Variants in POMT1 observed in about 807,000 individuals in gnomAD.
POMT1 encodes the protein protein O-mannosyltransferase 1.
POMT1 carries 85 observed loss-of-function variants against 101.6 expected under a neutral mutation model. The observed-to-expected ratio is 0.84, with a 90% CI of 0.70 to 1.00. The LOEUF (loss-of-function observed/expected upper bound fraction) is 1.00. POMT1 is among the 50% of genes least tolerant of loss of function. The pLI is 0.00. For missense variants in POMT1, 857 were observed against 930.4 expected (o/e 0.92, Z 1.03); for synonymous variants, 371 against 383.0 (o/e 0.97, Z 0.37).
chr9:131,516,403 TCCTCACAGGGAGCACTC>T (rs1948687760), intron 13 of POMT1, among the ~76,000 whole-genome samples: 2 of 151,004 alleles, frequency 1.3e-5, no homozygotes, highest in African/African-American at 4.9e-5. Flanking sequence ...ACGGAGCACT[TCCTCACAGGGAGCACTC>T]CATCACACGG....
intron 10 of POMT1, 63 bp downstream of exon 10, chr9:131,511,530 C>G: frequency 6.3e-7 from 1 of 1,598,688 alleles, no homozygotes; most frequent in Non-Finnish European, 8.6e-7. Context: ...ATTTGCTTAT[C>G]TTAGCAACTT....
At chr9:131,511,677 C>T in intron 10 of POMT1, 1 of 646,078 alleles carries the variant, frequency 1.5e-6, no homozygotes, top group Non-Finnish European at 2.6e-6. Flanking sequence ...TCGGCCCCAG[C>T]TCTGTGGCTG....
At position 131,522,410 on chromosome 9, in the gene POMT1, G is replaced by C. The variant is rs1479356042; in HGVS notation, c.2003+186G>C. ...CCAGATGAGGCACTGCAGGAACCCA[G>C]AGGGAGAAGTCGCGGCTGACAGAGA... On this transcript the variant is annotated intron_variant, in intron 19 of 19. Coordinates refer to ENST00000402686, the MANE Select transcript of POMT1 (RefSeq NM_001077365.2). The surrounding 1 kb of genome is among the most constrained non-coding windows in gnomAD (Gnocchi z 5.5). The C allele has an allele frequency of 1.6e-6, 2 of 1,244,954 alleles. No individual in the cohort carries two copies. The highest frequency in any genetic ancestry group is 2.2e-6 in the Non-Finnish European group (2 of 916,886). 77.1% of individuals were successfully genotyped at this position (1,244,954 alleles called of 1,614,324 possible). A position where few individuals can be genotyped will look rare whatever the true frequency, so the allele number is the denominator to read the frequency against.
In POMT1 at chr9:131,522,835, G is replaced by A. The variant is rs910892182; in HGVS notation, c.2004-97G>A. The A allele has an allele frequency of 3.7e-5, 47 of 1,277,690 alleles. No homozygotes were observed. The highest frequency in any genetic ancestry group is 2.0e-4 in the East Asian group (8 of 39,658). 79.1% of individuals were successfully genotyped at this position (1,277,690 alleles called of 1,614,324 possible). A position where few individuals can be genotyped will look rare whatever the true frequency, so the allele number is the denominator to read the frequency against. On this transcript the variant is annotated intron_variant, in intron 19 of 19. Transcript: ENST00000402686. The surrounding 1 kb of genome is among the most constrained non-coding windows in gnomAD (Gnocchi z 5.5). ...ACCTGAAGGCAGAACCCCAGGCCTCGGGGGGTGACCGTGTGGACAGCAGAT... is the reference window on the plus strand; with the variant it reads ...ACCTGAAGGCAGAACCCCAGGCCTCAGGGGGTGACCGTGTGGACAGCAGAT...
chr9:131,508,992 AC>A lies in POMT1; in HGVS notation c.511del (p.Leu171Ter), dbSNP rs769779072. 1 of 1,613,452 alleles carries A rather than the reference AC, an allele frequency of 6.2e-7. No individual in the cohort carries two copies. Among genetic ancestry groups the A allele is most frequent in the Non-Finnish European group, 8.5e-7 (1 of 1,179,376 alleles). On this transcript the variant is annotated frameshift_variant, in exon 6 of 20. Transcript: ENST00000402686. LOFTEE classifies it high-confidence loss of function. ...TTCAATCTATTGGCCGTGTTGTCCT[AC>A]CTGAAGTTCTTCAACTGCCAAAAGC... ...IFFNLLAVLS[Y>X]LKFFNCQKHS...
chr9:131,505,830 C>T (rs1355031811), intron 2 of POMT1, among the ~76,000 whole-genome samples: 3 of 152,090 alleles, frequency 2.0e-5, no homozygotes, highest in African/African-American at 7.2e-5. Context: ...AGCAGGTTGG[C>T]TCATAGTATC....
At position 131,521,252 on chromosome 9, in the gene POMT1, T is replaced by G; in HGVS notation, c.1699-94T>G. The G allele has an allele frequency of 1.9e-6, 3 of 1,561,636 alleles. No homozygotes were observed. The South Asian group carries it at 3.4e-5, about 17-fold the overall frequency. Reference sequence around the variant, plus strand: ...CTGGCGTTTTTTCACTCTGCTAAAGTAGTGCGTGCATCTGAATTCCTTTCC... The same window carrying G: ...CTGGCGTTTTTTCACTCTGCTAAAGGAGTGCGTGCATCTGAATTCCTTTCC... On this transcript the variant is annotated intron_variant, in intron 17 of 19. Transcript: ENST00000402686.
In POMT1 at chr9:131,506,237, G is replaced by A. The variant is rs746946335; in HGVS notation, c.229+17G>A. ...CCTTGGGAGGTAGGAGTCATCAGGA[G>A]AGTAGCCCCTACCCTTCAGGACCTC... On this transcript the variant is annotated intron_variant, in intron 3 of 19. Transcript: ENST00000402686. 1 of 1,610,254 alleles carries A rather than the reference G, an allele frequency of 6.2e-7. No homozygotes were observed. Among genetic ancestry groups the A allele is most frequent in the African/African-American group, 1.3e-5 (1 of 74,810 alleles).
In POMT1 at chr9:131,522,751, C is replaced by G. The variant is rs1243471975; in HGVS notation, c.2004-181C>G. Among the ~76,000 whole-genome samples the G allele has an allele frequency of 6.6e-6, 1 of 152,114 alleles. No homozygotes were observed. The highest frequency in any genetic ancestry group is 1.5e-5 in the Non-Finnish European group (1 of 68,018). ...GGAGGCCTGAGGAGTCATCAGGGGG[C>G]CCCTCTCAGTGCATCCAGGTGGGAG... On this transcript the variant is annotated intron_variant, in intron 19 of 19. Coordinates refer to ENST00000402686, the MANE Select transcript of POMT1 (RefSeq NM_001077365.2). This position sits in a 1 kb window ranked among gnomAD's most constrained non-coding sequence, Gnocchi z 5.5.
At chr9:131,516,080 C>T (rs62580580) in intron 13 of POMT1, among the ~76,000 whole-genome samples, 733 of 32,950 alleles carry the variant, frequency 0.022, no homozygotes, top group South Asian at 0.053. Flanking sequence ...CTTCCTCACA[C>T]GGAGCACTTC....
At chr9:131,516,175 G>T in intron 13 of POMT1, among the ~76,000 whole-genome samples, 2 of 107,740 alleles carry the variant, frequency 1.9e-5, no homozygotes, top group Admixed American at 1.1e-4. Context: ...CTCACACGGA[G>T]CACTTCCTCT....
chr9:131,504,300 C>T lies in POMT1; in HGVS notation c.82C>T (p.Leu28=), dbSNP rs777990884. The part of the protein sequence containing the change: ...SLVALTGMGL[L]SRLWRLTYPR... ...TGTGGCCCTGACTGGGATGGGGTTA[C>T]TGAGCCGGCTGTGGCGACTCACCTA... Residue 28 remains leucine, a synonymous_variant, in exon 2 of 20, where the codon CTG becomes TTG. Transcript: ENST00000402686. 1 of 1,614,196 alleles carries T rather than the reference C, an allele frequency of 6.2e-7. No individual in the cohort carries two copies. Among genetic ancestry groups the T allele is most frequent in the Non-Finnish European group, 8.5e-7 (1 of 1,180,036 alleles).
At chr9:131,509,660 C>T (rs1946655592) in intron 6 of POMT1, 83 bp from the exon 7 acceptor site, 23 of 1,612,712 alleles carry the variant, frequency 1.4e-5, no homozygotes, top group Non-Finnish European at 1.9e-5. Context: ...AGAAAGATTT[C>T]TCTGAAGAAT....
chr9:131,523,255 A>C lies in POMT1; in HGVS notation c.*149A>C. Reference sequence around the variant, plus strand: ...CTCTAGTGGAACACATGGGGGTCTCATTGAAAAGCTCTCTGATGAGCACCT... The same window carrying C: ...CTCTAGTGGAACACATGGGGGTCTCCTTGAAAAGCTCTCTGATGAGCACCT... On this transcript the variant is annotated 3_prime_UTR_variant, in exon 20 of 20. Transcript: ENST00000402686. 4.6e-5 allele frequency: 43 copies of C among 925,296 alleles called. No homozygotes were observed. The highest frequency in any genetic ancestry group is 6.5e-5 in the Non-Finnish European group (39 of 604,006). The allele number at this position is 925,296 out of a possible 1,614,324, so 57.3% of individuals were successfully genotyped here. A position where few individuals can be genotyped will look rare whatever the true frequency, so the allele number is the denominator to read the frequency against.
rs1275565979 is a variant in POMT1, at chr9:131,519,011, A to G, written c.1486+54A>G. 1.2e-6 allele frequency: 2 copies of G among 1,609,644 alleles called. No individual in the cohort carries two copies. Among genetic ancestry groups the G allele is most frequent in the East Asian group, 2.2e-5 (1 of 44,886 alleles). ...CCTGGAATGTACTTTCAGCTGCTCA[A>G]TATTTGATAACACCCCAGAGTTCTC... On this transcript the variant is annotated intron_variant, in intron 15 of 19. Transcript: ENST00000402686. This position sits in a 1 kb window ranked among gnomAD's most constrained non-coding sequence, Gnocchi z 4.3.
rs1947072981 is a variant in POMT1, at chr9:131,511,322, C to T, written c.856-15C>T. 3 of 1,602,096 alleles carry T rather than the reference C, an allele frequency of 1.9e-6. No homozygotes were observed. Among genetic ancestry groups the T allele is most frequent in the African/African-American group, 2.7e-5 (2 of 74,688 alleles). On this transcript the variant is annotated splice_polypyrimidine_tract_variant and intron_variant, in intron 9 of 19. Transcript: ENST00000402686. ...TTTCTGTCTCTCACTCATCAACCTT[C>T]TGCTTCTGTCTCAGGGAGGACTAGC...
At chr9:131,508,421 C>T (rs1011159145) in intron 5 of POMT1, among the ~76,000 whole-genome samples, 1 of 152,098 alleles carries the variant, frequency 6.6e-6, no homozygotes, top group Non-Finnish European at 1.5e-5. Flanking sequence ...GTCCCAGCTA[C>T]TCAGGAGGCT....
chr9:131,509,919 GTGTT>G lies in POMT1; in HGVS notation c.623_626del (p.Val208AlafsTer55). ...TCTTTGCAGCATCAAGTACATGGGT[GTGTT>G]CACGTACGTGCTCGTGCTGGGTGTT... On this transcript the variant is annotated frameshift_variant, in exon 8 of 20. Transcript: ENST00000402686. LOFTEE classifies it high-confidence loss of function. 6 of 1,614,218 alleles carry G rather than the reference GTGTT, an allele frequency of 3.7e-6. No individual in the cohort carries two copies. The highest frequency in any genetic ancestry group is 5.1e-6 in the Non-Finnish European group (6 of 1,180,044).
chr9:131,521,315 G>A, intron 17 of POMT1, 31 bp from the exon 18 acceptor site: 2 of 1,614,014 alleles, frequency 1.2e-6, no homozygotes, highest in Non-Finnish European at 1.7e-6. Flanking sequence ...CAGAGGGCAG[G>A]TGGCTAACAG....
Sources: allele counts gnomAD v4.1 joint callset (sites outside exome capture counted in the v4.1 genomes callset), GRCh38; gene constraint gnomAD v4.1.1; non-coding constraint Gnocchi (gnomAD v3.1); transcripts MANE v1.5; gene names NCBI Gene and HGNC (gene_info 2026-07-23, HGNC 2026-07-21).